PTK2: variants seen among roughly 807,000 people sequenced by gnomAD.
PTK2 encodes protein tyrosine kinase 2, also known as focal adhesion kinase 1.
PTK2 carries 45 observed loss-of-function variants against 150.1 expected under a neutral mutation model. The ratio of observed to expected loss-of-function variants is 0.30; its 90% CI spans 0.24 to 0.38. The LOEUF (loss-of-function observed/expected upper bound fraction) is 0.38, where lower values mean the gene tolerates loss of function less well. Ranked by LOEUF, PTK2 falls within the 10% of genes least tolerant of loss-of-function variation. The probability of loss-of-function intolerance (pLI) is 1.00; values close to 1 mark genes in which losing one functional copy is unlikely to be tolerated. For missense variants in PTK2, 919 were observed against 1,307.3 expected (o/e 0.70, Z 4.58); for synonymous variants, 432 against 449.2 (o/e 0.96, Z 0.48).
At chr8:140,740,180 C>T (rs1451613021) in intron 20 of PTK2, among the ~76,000 whole-genome samples, 1 of 152,044 alleles carries the variant, frequency 6.6e-6, no homozygotes, top group African/African-American at 2.4e-5. Flanking sequence ...TGAACAATCC[C>T]GAGTCCTTTT....
intron 31 of PTK2, chr8:140,662,943 T>G (rs961876135): frequency 1.9e-5 from 8 of 422,456 alleles, no homozygotes; most frequent in African/African-American, 4.0e-5. Context: ...AGGAGCTGTT[T>G]CAGATGAAAG....
In PTK2 at chr8:140,736,090, T is replaced by G. The variant is rs529033311; in HGVS notation, c.1826-635A>C. On this transcript the variant is annotated intron_variant, in intron 21 of 31. Coordinates refer to ENST00000522684, the Ensembl canonical transcript of PTK2. ...TTACTTGCACTCTACCCTTGGGAAA[T>G]CCAATACTTTCTTAGTATCTTCTGA... 2.0e-5 allele frequency among the ~76,000 whole-genome samples: 3 copies of G among 152,238 alleles called. No homozygotes were observed. The South Asian group carries it at 6.2e-4, about 32-fold the overall frequency.
intron 8 of PTK2, among the ~76,000 whole-genome samples, chr8:140,829,281 G>A (rs949967803): frequency 1.0e-4 from 10 of 96,760 alleles, no homozygotes; most frequent in Middle Eastern, 5.1e-3. Flanking sequence ...GAGAGAGGAA[G>A]GGATACTGTT....
At chr8:140,761,187 T>C (rs1394847273) in exon 16 of PTK2, 2 of 1,610,960 alleles carry the variant, frequency 1.2e-6, no homozygotes, top group Admixed American at 1.7e-5. Flanking sequence ...AATGCCTTGA[T>C]GTACATCTCC....
chr8:140,919,864 A>G (rs1463631038), intron 2 of PTK2, among the ~76,000 whole-genome samples: 1 of 152,196 alleles, frequency 6.6e-6, no homozygotes, highest in Non-Finnish European at 1.5e-5. Flanking sequence ...TTAAAAGCCT[A>G]GGAAAGAATC....
intron 2 of PTK2, among the ~76,000 whole-genome samples, chr8:140,906,590 TCA>T (rs1160202560): frequency 1.1e-4 from 17 of 152,308 alleles, no homozygotes; most frequent in African/African-American, 4.1e-4. Flanking sequence ...ATGTTCTCAT[TCA>T]CAGTTAGGAG....
Position 140,872,623 on chromosome 8 carries a change from T to C in PTK2, c.362+6848A>G, listed in dbSNP as rs768361792. Among the ~76,000 whole-genome samples the C allele has an allele frequency of 2.0e-5, 3 of 152,202 alleles. No homozygotes were observed. In the East Asian group the frequency reaches 5.8e-4, roughly 29 times the overall value. On this transcript the variant is annotated intron_variant, in intron 4 of 31. Coordinates refer to ENST00000522684, the Ensembl canonical transcript of PTK2. Reference sequence around the variant, plus strand: ...TTTCAAACTCAGCCTCAGACCCTAATGGTCAACAGAAGTTCCCCTGGAGCC... The same window carrying C: ...TTTCAAACTCAGCCTCAGACCCTAACGGTCAACAGAAGTTCCCCTGGAGCC...
intron 1 of PTK2, among the ~76,000 whole-genome samples, chr8:140,969,597 T>C (rs1419672552): frequency 1.3e-5 from 2 of 152,212 alleles, no homozygotes; most frequent in Non-Finnish European, 1.5e-5. Context: ...GGTTTTCTTC[T>C]TACCTCACAG....
chr8:140,817,346 G>GCAGGT (rs1280964051), intron 10 of PTK2, among the ~76,000 whole-genome samples: 1 of 152,172 alleles, frequency 6.6e-6, no homozygotes, highest in Non-Finnish European at 1.5e-5. Context: ...TTGGAAAAAA[G>GCAGGT]CAGGTCAGAC....
At chr8:140,904,636 T>C (rs552671536) in intron 2 of PTK2, among the ~76,000 whole-genome samples, 1 of 152,204 alleles carries the variant, frequency 6.6e-6, no homozygotes, top group African/African-American at 2.4e-5. Context: ...CTGGGCTTTT[T>C]TTTGGTTGGT....
intron 15 of PTK2, 91 bp downstream of exon 17, chr8:140,764,143 G>A: frequency 2.0e-6 from 2 of 1,014,364 alleles, no homozygotes; most frequent in Non-Finnish European, 3.1e-6. Flanking sequence ...TATTAAAAAT[G>A]GCTCTAAAAA....
At chr8:140,675,352 GAAAA>G (rs1490478614) in intron 28 of PTK2, 104 bp downstream of exon 31, 19 of 1,235,518 alleles carry the variant, frequency 1.5e-5, no homozygotes, top group Middle Eastern at 1.9e-4. Context: ...GTCTGTAGAG[GAAAA>G]ATTAACCATG....
intron 27 of PTK2, among the ~76,000 whole-genome samples, chr8:140,677,773 T>G (rs2100014744): frequency 6.6e-6 from 1 of 152,136 alleles, no homozygotes; most frequent in South Asian, 2.1e-4. Flanking sequence ...ATCAACTTAT[T>G]TTTGTGTAGT....
chr8:140,729,081 AAAGT>A (rs2100047674), intron 22 of PTK2, among the ~76,000 whole-genome samples: 1 of 152,166 alleles, frequency 6.6e-6, no homozygotes, highest in Non-Finnish European at 1.5e-5. Context: ...TATGAAAAAA[AAAGT>A]AAGAAAATCT....
intron 16 of PTK2, among the ~76,000 whole-genome samples, chr8:140,760,030 T>G (rs566885422): frequency 1.3e-5 from 2 of 152,254 alleles, no homozygotes; most frequent in South Asian, 4.1e-4. Flanking sequence ...GAGACCATCC[T>G]GGCCAACATG....
intron 2 of PTK2, among the ~76,000 whole-genome samples, chr8:140,897,344 T>G (rs147919960): frequency 4.6e-5 from 7 of 152,230 alleles, no homozygotes; most frequent in African/African-American, 1.7e-4. Context: ...GTGATTTTGC[T>G]CCTATCCTTT....
At chr8:140,887,191 G>A (rs1465822197) in intron 3 of PTK2, among the ~76,000 whole-genome samples, 2 of 152,166 alleles carry the variant, frequency 1.3e-5, no homozygotes, top group Non-Finnish European at 2.9e-5. Flanking sequence ...TCCACAGGTT[G>A]AGGCTGGCTA....
chr8:140,726,222 G>C (rs2100045705), intron 22 of PTK2, among the ~76,000 whole-genome samples: 2 of 152,078 alleles, frequency 1.3e-5, no homozygotes, highest in South Asian at 4.1e-4. Flanking sequence ...GGAGGAAGAG[G>C]AAGGGGAAGA....
At chr8:140,851,447 A>G (rs1043785037) in intron 5 of PTK2, among the ~76,000 whole-genome samples, 2 of 152,254 alleles carry the variant, frequency 1.3e-5, no homozygotes, top group African/African-American at 4.8e-5. Flanking sequence ...TCATTTAAAA[A>G]TAATTACTTT....
Sources: allele counts gnomAD v4.1 joint callset (sites outside exome capture counted in the v4.1 genomes callset), GRCh38; gene constraint gnomAD v4.1.1; transcripts MANE v1.5; gene names NCBI Gene and HGNC (gene_info 2026-07-23, HGNC 2026-07-21).